Variants in MSANTD2 observed in about 807,000 individuals in gnomAD.
MSANTD2 encodes the protein myb/SANT-like DNA-binding domain-containing protein 2.
MSANTD2 carries 19 observed loss-of-function variants against 52.6 expected under a neutral mutation model. The ratio of observed to expected loss-of-function variants is 0.36; its 90% CI spans 0.25 to 0.53. The LOEUF is 0.53. Ranked by LOEUF, MSANTD2 falls within the 20% of genes least tolerant of loss-of-function variation. The pLI is 0.91. For missense variants in MSANTD2, 558 were observed against 716.3 expected, an observed-to-expected ratio of 0.78 and a Z score of 2.52; for synonymous variants, 291 against 289.7, an observed-to-expected ratio of 1.00 and a Z score of -0.04.
chr11:124,794,608 CT>C lies in MSANTD2; in HGVS notation c.510+5262del, dbSNP rs1945435282. ...TGTCTGCAAACGCCAAAGAGAAGTC[CT>C]CAGAGATGGGCAGAGTCTATTAAAA... On this transcript the variant is annotated intron_variant, in intron 1 of 3. Coordinates refer to ENST00000374979, the MANE Select transcript of MSANTD2 (RefSeq NM_001308027.2). Among the ~76,000 whole-genome samples, 4 of 152,232 alleles carry C rather than the reference CT, an allele frequency of 2.6e-5. No individual in the cohort carries two copies. The South Asian group carries it at 8.3e-4, about 32-fold the overall frequency.
At chr11:124,795,723 T>A (rs1344670693) in intron 1 of MSANTD2, among the ~76,000 whole-genome samples, 1 of 152,160 alleles carries the variant, frequency 6.6e-6, no homozygotes, top group African/African-American at 2.4e-5. Context: ...CTTTTATTCA[T>A]CCTAACACCT....
intron 1 of MSANTD2, among the ~76,000 whole-genome samples, chr11:124,778,602 A>G (rs1944836828): frequency 6.6e-6 from 1 of 152,094 alleles, no homozygotes; most frequent in Admixed American, 6.5e-5. Context: ...AACCCAGAGG[A>G]GTTCATGGTA....
intron 1 of MSANTD2, among the ~76,000 whole-genome samples, chr11:124,785,426 G>A (rs1945126974): frequency 6.6e-6 from 1 of 152,284 alleles, no homozygotes; most frequent in South Asian, 2.1e-4. Flanking sequence ...CTGAGAAGCA[G>A]GGCTGGGCAC....
intron 1 of MSANTD2, among the ~76,000 whole-genome samples, chr11:124,797,433 G>T (rs1300048687): frequency 6.6e-6 from 1 of 152,148 alleles, no homozygotes. Flanking sequence ...GGAGTTCAAG[G>T]CTGCAGTGAG....
At chr11:124,783,691 G>T in intron 1 of MSANTD2, 3 of 972,700 alleles carry the variant, frequency 3.1e-6, no homozygotes, top group Non-Finnish European at 3.7e-6. Flanking sequence ...AGGAAATTTT[G>T]ATTGTCAATG....
chr11:124,799,785 C>T lies in MSANTD2; in HGVS notation c.510+86G>A, dbSNP rs1945627631. 6.0e-6 allele frequency: 6 copies of T among 992,018 alleles called. No individual in the cohort carries two copies. The East Asian group carries it at 9.2e-5, about 15-fold the overall frequency. 61.5% of individuals were successfully genotyped at this position (992,018 alleles called of 1,614,324 possible). A position where few individuals can be genotyped will look rare whatever the true frequency, so the allele number is the denominator to read the frequency against. ...ACCGGGCCCCGGAGGAGAGCCCTGC[C>T]CTCAGACCGGCCCCCGCCCCCGAGG... On this transcript the variant is annotated intron_variant, in intron 1 of 3. Coordinates refer to ENST00000374979, the MANE Select transcript of MSANTD2 (RefSeq NM_001308027.2).
intron 1 of MSANTD2, among the ~76,000 whole-genome samples, chr11:124,778,025 C>A (rs1222454910): frequency 6.6e-6 from 1 of 152,140 alleles, no homozygotes; most frequent in East Asian, 1.9e-4. Context: ...TTCCAATTAT[C>A]ACCCACAATA....
At chr11:124,773,287 C>T in intron 2 of MSANTD2, 1 of 323,714 alleles carries the variant, frequency 3.1e-6, no homozygotes, top group Non-Finnish European at 5.6e-6. Context: ...TCTTCAAGGT[C>T]ACCAGTGGAT....
intron 1 of MSANTD2, chr11:124,792,832 G>C (rs1260218387): frequency 6.6e-6 from 1 of 152,180 alleles, no homozygotes; most frequent in African/African-American, 2.4e-5. Context: ...TCTGTCAGTT[G>C]AATCTGATGA....
At chr11:124,783,109 C>A (rs574255095) in intron 1 of MSANTD2, among the ~76,000 whole-genome samples, 2 of 152,094 alleles carry the variant, frequency 1.3e-5, no homozygotes, top group Non-Finnish European at 2.9e-5. Flanking sequence ...GGGAAAGACT[C>A]GATTGCTTTC....
chr11:124,799,775 A>T, intron 1 of MSANTD2, 96 bp downstream of exon 1: 2 of 846,854 alleles, frequency 2.4e-6, no homozygotes, highest in Non-Finnish European at 3.5e-6. Flanking sequence ...GCCCCGGAGG[A>T]GAGCCCTGCC....
chr11:124,767,186 A>C lies in MSANTD2; in HGVS notation c.1670T>G (p.Phe557Cys). The stretch of plus-strand genomic sequence containing the variant: ...TATGAAGGATGACATTCAGTTGTTA[A>C]ATTTTAAGGGGTATCCAATGGCTTT... ...LEKAIGYPLK[F>C]NN The change falls in exon 4 of 4, where the codon TTT becomes TGT. Residue 557 changes from phenylalanine (F) to cysteine (C), a missense_variant. Physicochemically the swap from Phe to Cys is radical, Grantham distance 205 (BLOSUM62 -2). This residue lies in a region of MSANTD2 where 408 missense variants were observed against 573.6 expected (regional missense o/e 0.71). Coordinates refer to ENST00000374979, the MANE Select transcript of MSANTD2 (RefSeq NM_001308027.2). This position sits in a 1 kb window ranked among gnomAD's most constrained non-coding sequence, Gnocchi z 6.5. 1 of 1,597,184 alleles carries C rather than the reference A, an allele frequency of 6.3e-7. No homozygotes were observed. Among genetic ancestry groups the C allele is most frequent in the Non-Finnish European group, 8.5e-7 (1 of 1,173,540 alleles).
At chr11:124,795,974 G>A (rs151020134) in intron 1 of MSANTD2, among the ~76,000 whole-genome samples, 44 of 152,240 alleles carry the variant, frequency 2.9e-4, no homozygotes, top group Middle Eastern at 3.4e-3. Flanking sequence ...AAACACATCC[G>A]TTTTACCCAA....
chr11:124,787,123 T>A (rs1319953626), intron 1 of MSANTD2, among the ~76,000 whole-genome samples: 1 of 152,216 alleles, frequency 6.6e-6, no homozygotes, highest in African/African-American at 2.4e-5. Context: ...AATGTTTGCA[T>A]TATTATTATA....
intron 1 of MSANTD2, among the ~76,000 whole-genome samples, chr11:124,786,326 G>T (rs1277998442): frequency 2.0e-5 from 3 of 151,936 alleles, no homozygotes; most frequent in South Asian, 2.1e-4. Context: ...TCAATATGCT[G>T]ATATGTTTTG....
At position 124,796,373 on chromosome 11, in the gene MSANTD2, A is replaced by G. The variant is rs114938249; in HGVS notation, c.510+3498T>C. ...AGGAAGGTTTGCATGGAAAAATTAAAGTTGCTATATAGCTCTTCCTTTTAA... is the reference window on the plus strand; with the variant it reads ...AGGAAGGTTTGCATGGAAAAATTAAGGTTGCTATATAGCTCTTCCTTTTAA... On this transcript the variant is annotated intron_variant, in intron 1 of 3. Coordinates refer to ENST00000374979, the MANE Select transcript of MSANTD2 (RefSeq NM_001308027.2). 6.5e-3 allele frequency among the ~76,000 whole-genome samples: 992 copies of G among 152,314 alleles called. 15 individuals are homozygous for G. Among genetic ancestry groups the G allele is most frequent in the African/African-American group, 0.023 (945 of 41,562 alleles).
At chr11:124,786,884 G>A (rs1945179301) in intron 1 of MSANTD2, among the ~76,000 whole-genome samples, 3 of 152,134 alleles carry the variant, frequency 2.0e-5, no homozygotes, top group South Asian at 4.1e-4. Flanking sequence ...TAATAAAGAT[G>A]GGCTGATTCA....
chr11:124,796,716 CT>C (rs762060866), intron 1 of MSANTD2, among the ~76,000 whole-genome samples: 11 of 152,206 alleles, frequency 7.2e-5, no homozygotes, highest in South Asian at 2.1e-4. Flanking sequence ...TTCACATGTA[CT>C]TTAGTCTGCG....
At chr11:124,772,916 C>T in intron 3 of MSANTD2, 78 bp downstream of exon 3, 1 of 919,464 alleles carries the variant, frequency 1.1e-6, no homozygotes, top group African/African-American at 1.6e-5. Context: ...CATAATATGT[C>T]TAAATATTTT....
Sources: allele counts gnomAD v4.1 joint callset (sites outside exome capture counted in the v4.1 genomes callset), GRCh38; gene constraint gnomAD v4.1.1; regional missense constraint gnomAD v4.1.1; non-coding constraint Gnocchi (gnomAD v3.1); transcripts MANE v1.5; gene names NCBI Gene and HGNC (gene_info 2026-07-23, HGNC 2026-07-21).